TTC7B: variants seen among roughly 807,000 people sequenced by gnomAD.
TTC7B encodes tetratricopeptide repeat domain 7B, also known as tetratricopeptide repeat protein 7B.
Under a neutral mutation model 106.8 loss-of-function variants are expected in TTC7B, and 28 were observed. The observed-to-expected ratio is 0.26, with a 90% CI of 0.19 to 0.36. The LOEUF (loss-of-function observed/expected upper bound fraction) is 0.36. TTC7B is among the 10% of genes least tolerant of loss of function. The probability of loss-of-function intolerance (pLI) is 1.00; values close to 1 mark genes in which losing one functional copy is unlikely to be tolerated. For synonymous variants in TTC7B, 405 were observed against 430.6 expected (o/e 0.94, Z 0.74); for missense variants, 862 against 1,076.4 (o/e 0.80, Z 2.79).
intron 3 of TTC7B, among the ~76,000 whole-genome samples, chr14:90,747,555 G>C (rs1213024395): frequency 2.0e-5 from 3 of 152,132 alleles, no homozygotes; most frequent in Admixed American, 6.5e-5. Context: ...CCTGTATATG[G>C]TCAATCTTGG....
chr14:90,676,474 T>C (rs1169674001), intron 9 of TTC7B, 49 bp downstream of exon 9: 2 of 1,601,742 alleles, frequency 1.2e-6, no homozygotes, highest in Admixed American at 3.4e-5. Context: ...GGGGTCACCG[T>C]GCAACTGCCA....
At chr14:90,669,164 C>T (rs780405887) in intron 9 of TTC7B, among the ~76,000 whole-genome samples, 4 of 151,776 alleles carry the variant, frequency 2.6e-5, no homozygotes, top group Non-Finnish European at 5.9e-5. Context: ...TTTCCACATG[C>T]AAAAGAATGG....
At chr14:90,814,416 A>G (rs1176563253) in intron 1 of TTC7B, among the ~76,000 whole-genome samples, 1 of 152,122 alleles carries the variant, frequency 6.6e-6, no homozygotes, top group Non-Finnish European at 1.5e-5. Context: ...ATTTATTTCC[A>G]TATTTGCTTA....
intron 9 of TTC7B, among the ~76,000 whole-genome samples, chr14:90,670,515 T>A (rs566055035): frequency 8.0e-4 from 121 of 152,172 alleles, no homozygotes; most frequent in Middle Eastern, 3.4e-3. Flanking sequence ...TAAAAAAAAA[T>A]TTTAAACAAA....
intron 5 of TTC7B, among the ~76,000 whole-genome samples, chr14:90,712,401 C>T (rs1888484428): frequency 6.6e-6 from 1 of 152,064 alleles, no homozygotes; most frequent in African/African-American, 2.4e-5. Flanking sequence ...CCTAAGCAAT[C>T]TATTACAAAA....
In TTC7B at chr14:90,532,648, ATCT is replaced by A. The variant is rs1273417469; in HGVS notation, c.*8717_*8719del. 2.6e-5 allele frequency: 4 copies of A among 152,296 alleles called. No homozygotes were observed. In the East Asian group the frequency reaches 7.7e-4, roughly 29 times the overall value. The allele number at this position is 152,296 out of a possible 1,614,324, so 9.4% of individuals were successfully genotyped here. ...CTAATCATCTGCCAAGCTGGTAATT[ATCT>A]TATTTGTTTACCCCTCTGTTTGGGG... On this transcript the variant is annotated 3_prime_UTR_variant, in exon 20 of 20. Transcript: ENST00000328459.
intron 7 of TTC7B, among the ~76,000 whole-genome samples, chr14:90,681,466 T>C (rs1254985250): frequency 9.4e-5 from 14 of 149,528 alleles, no homozygotes; most frequent in African/African-American, 3.4e-4. Flanking sequence ...TGAAGGGATT[T>C]CCCCACACCC....
intron 1 of TTC7B, among the ~76,000 whole-genome samples, chr14:90,806,456 C>G (rs2030615740): frequency 6.6e-6 from 1 of 152,222 alleles, no homozygotes; most frequent in African/African-American, 2.4e-5. Context: ...TATCAGCCCA[C>G]CTGCCCCCTG....
At chr14:90,762,312 G>T (rs568603621) in intron 3 of TTC7B, among the ~76,000 whole-genome samples, 2 of 152,280 alleles carry the variant, frequency 1.3e-5, no homozygotes, top group South Asian at 4.1e-4. Context: ...CAGTGCCTCT[G>T]CTTGACCAAA....
intron 5 of TTC7B, chr14:90,699,315 A>C: frequency 2.3e-6 from 1 of 429,446 alleles, no homozygotes; most frequent in Non-Finnish European, 4.6e-6. Flanking sequence ...ATTTGGGGAC[A>C]TGAGAATCAT....
At chr14:90,552,330 G>A (rs1228590076) in intron 19 of TTC7B, among the ~76,000 whole-genome samples, 2 of 152,250 alleles carry the variant, frequency 1.3e-5, no homozygotes, top group Non-Finnish European at 2.9e-5. Flanking sequence ...GTTCTGGGCA[G>A]GGGCAGGTGT....
intron 3 of TTC7B, among the ~76,000 whole-genome samples, chr14:90,765,629 G>T (rs1890650015): frequency 6.6e-6 from 1 of 152,190 alleles, no homozygotes; most frequent in Non-Finnish European, 1.5e-5. Flanking sequence ...GTCTCTTGAA[G>T]GCTTACAATT....
rs1207981077 is a variant in TTC7B at position 90,534,162 on chromosome 14, G to T, written c.*7206C>A. ...GGGGGCCTCAGCCTGGCCCCCAAAA[G>T]ACCTTCAGGAGGAGCACATTCCTGT... On this transcript the variant is annotated 3_prime_UTR_variant, in exon 20 of 20. Coordinates refer to ENST00000328459, the MANE Select transcript of TTC7B (RefSeq NM_001010854.2). 2.0e-5 allele frequency: 3 copies of T among 152,468 alleles called. No homozygotes were observed. Among genetic ancestry groups the T allele is most frequent in the Admixed American group, 2.0e-4 (3 of 15,316 alleles). 9.4% of individuals were successfully genotyped at this position (152,468 alleles called of 1,614,324 possible). A position where few individuals can be genotyped will look rare whatever the true frequency, so the allele number is the denominator to read the frequency against.
chr14:90,610,717 G>A lies in TTC7B; in HGVS notation c.1966+25C>T, dbSNP rs149187810. The A allele has an allele frequency of 4.0e-3, 6,130 of 1,534,476 alleles. 15 individuals carry two copies. Among genetic ancestry groups the A allele is most frequent in the Non-Finnish European group, 4.9e-3 (5,440 of 1,108,074 alleles). On this transcript the variant is annotated intron_variant, in intron 17 of 19. Transcript: ENST00000328459. Reference sequence around the variant, plus strand: ...CCCACATTCTCCATTACACCATTTCGTCCCCTCTGGCTTTTTATTCTCACC... The same window carrying A: ...CCCACATTCTCCATTACACCATTTCATCCCCTCTGGCTTTTTATTCTCACC...
intron 19 of TTC7B, chr14:90,567,595 C>A (rs1890852271): frequency 6.6e-6 from 1 of 152,184 alleles, no homozygotes; most frequent in African/African-American, 2.4e-5. Flanking sequence ...CCATCCCCAC[C>A]CCCATCTCAA....
chr14:90,774,171 G>A (rs558179272), intron 3 of TTC7B, among the ~76,000 whole-genome samples: 1 of 152,194 alleles, frequency 6.6e-6, no homozygotes, highest in East Asian at 1.9e-4. Context: ...ACAAGAACCC[G>A]ACCGAGATGT....
At chr14:90,592,336 A>G (rs1282354400) in intron 18 of TTC7B, among the ~76,000 whole-genome samples, 2 of 152,188 alleles carry the variant, frequency 1.3e-5, no homozygotes, top group African/African-American at 4.8e-5. Context: ...ATTACCTTTT[A>G]TGTTGAAATA....
At chr14:90,701,825 AAGAG>A (rs1017490019) in intron 5 of TTC7B, among the ~76,000 whole-genome samples, 4 of 141,590 alleles carry the variant, frequency 2.8e-5, no homozygotes, top group Admixed American at 2.8e-4. Flanking sequence ...TATATATGGA[AAGAG>A]AGAGAGAGAA....
intron 1 of TTC7B, among the ~76,000 whole-genome samples, chr14:90,806,538 C>G (rs2030622162): frequency 6.6e-6 from 1 of 152,198 alleles, no homozygotes; most frequent in East Asian, 1.9e-4. Context: ...CTGACTCAGT[C>G]AGGCTGCTTT....
Sources: gnomAD v4.1 joint callset for allele counts (sites outside exome capture counted in the v4.1 genomes callset) on GRCh38, gnomAD v4.1.1 for gene constraint, MANE v1.5 for transcripts, NCBI Gene and HGNC (gene_info 2026-07-23, HGNC 2026-07-21) for gene names.